Variants in GAD2 observed in about 807,000 individuals in gnomAD.
The protein encoded by GAD2 is 65 kDa glutamic acid decarboxylase.
Under a neutral mutation model 80.1 loss-of-function variants are expected in GAD2, and 22 were observed. The ratio of observed to expected loss-of-function variants is 0.27; its 90% CI spans 0.20 to 0.39. GAD2 has a LOEUF of 0.39. Ranked by LOEUF, GAD2 falls within the 10% of genes least tolerant of loss-of-function variation. The pLI, the probability that GAD2 is intolerant of heterozygous loss-of-function variation, is 1.00. For synonymous variants in GAD2, 274 were observed against 256.9 expected (o/e 1.07, Z -0.64); for missense variants, 624 against 738.4 (o/e 0.85, Z 1.80).
chr10:26,247,979 T>C (rs1844830801), intron 8 of GAD2, among the ~76,000 whole-genome samples: 1 of 148,792 alleles, frequency 6.7e-6, no homozygotes, highest in South Asian at 2.1e-4. Context: ...CGAACCAAAC[T>C]GAGGTTCACT....
intron 8 of GAD2, among the ~76,000 whole-genome samples, chr10:26,265,438 C>T (rs1483747689): frequency 1.3e-5 from 2 of 152,106 alleles, no homozygotes; most frequent in Non-Finnish European, 2.9e-5. Context: ...ATCTTGACCT[C>T]GTGATCCACC....
chr10:26,239,483 G>T lies in GAD2; in HGVS notation c.841-6438G>T, dbSNP rs754181347. On this transcript the variant is annotated intron_variant, in intron 7 of 15. Coordinates refer to ENST00000376261, the MANE Select transcript of GAD2 (RefSeq NM_001134366.2). ...CAACATTGGGATTTGTGGCCAGATA[G>T]TTAAGGCAATAAATAGTGACATTTC... Among the ~76,000 whole-genome samples the T allele has an allele frequency of 2.0e-5, 3 of 152,226 alleles. No individual in the cohort carries two copies. The South Asian group carries it at 6.2e-4, about 31-fold the overall frequency.
chr10:26,250,486 T>A (rs1844866007), intron 8 of GAD2, among the ~76,000 whole-genome samples: 2 of 151,924 alleles, frequency 1.3e-5, no homozygotes, highest in Non-Finnish European at 2.9e-5. Context: ...TTTGTGCTCA[T>A]AAGCTTTGTG....
chr10:26,247,667 G>A (rs946757149), intron 8 of GAD2, among the ~76,000 whole-genome samples: 15 of 152,054 alleles, frequency 9.9e-5, no homozygotes, highest in African/African-American at 3.4e-4. Flanking sequence ...AGGCCGAGGC[G>A]GGTGGATAAC....
rs749992467 is a variant in GAD2 at position 26,223,993 on chromosome 10, T to C, written c.611+16T>C. On this transcript the variant is annotated intron_variant, in intron 5 of 15. Transcript: ENST00000376261. The stretch of plus-strand genomic sequence containing the variant: ...ATACTAACATGTAAGTAGCCAAATG[T>C]GTTTTTATGTAATTTAGGATAATTA... The C allele has an allele frequency of 1.3e-6, 2 of 1,545,072 alleles. No homozygotes were observed. Among genetic ancestry groups the C allele is most frequent in the South Asian group, 2.2e-5 (2 of 89,390 alleles).
At chr10:26,259,699 T>C (rs1195678508) in intron 8 of GAD2, among the ~76,000 whole-genome samples, 3 of 152,266 alleles carry the variant, frequency 2.0e-5, no homozygotes, top group Middle Eastern at 6.8e-3. Context: ...GTACAAGTTT[T>C]TAATGCTCAT....
rs8190753 is a variant in GAD2 at position 26,281,754 on chromosome 10, C to T, written c.1236+667C>T. ...CCTAGGACCATTCTCAGTAGGTGAG[C>T]ACTGTTGGTCAAGGCCACTACATCT... On this transcript the variant is annotated intron_variant, in intron 12 of 15. Coordinates refer to ENST00000376261, the MANE Select transcript of GAD2 (RefSeq NM_001134366.2). Among the ~76,000 whole-genome samples, 22 of 152,240 alleles carry T rather than the reference C, an allele frequency of 1.4e-4. No homozygotes were observed. In the East Asian group the frequency reaches 4.3e-3, roughly 29 times the overall value.
At chr10:26,251,131 C>T (rs1844876421) in intron 8 of GAD2, among the ~76,000 whole-genome samples, 1 of 144,002 alleles carries the variant, frequency 6.9e-6, no homozygotes, top group African/African-American at 2.6e-5. Context: ...ATCTCCTGAT[C>T]TCGTGATCCA....
At chr10:26,276,636 C>A (rs1845211039) in intron 11 of GAD2, among the ~76,000 whole-genome samples, 1 of 152,190 alleles carries the variant, frequency 6.6e-6, no homozygotes, top group African/African-American at 2.4e-5. Flanking sequence ...GATCCGCTCG[C>A]CTCGGCCTCC....
chr10:26,284,262 T>C (rs1845304107), intron 12 of GAD2, among the ~76,000 whole-genome samples: 1 of 152,184 alleles, frequency 6.6e-6, no homozygotes, highest in Admixed American at 6.5e-5. Flanking sequence ...TGGTTTAGAG[T>C]TAAAAACAAC....
intron 6 of GAD2, among the ~76,000 whole-genome samples, chr10:26,227,719 G>C (rs747579694): frequency 6.6e-6 from 1 of 152,202 alleles, no homozygotes; most frequent in Non-Finnish European, 1.5e-5. Context: ...GCCCTCACCA[G>C]TTATGTTGCC....
intron 8 of GAD2, among the ~76,000 whole-genome samples, chr10:26,247,960 C>T (rs988161892): frequency 6.6e-6 from 1 of 151,390 alleles, no homozygotes; most frequent in South Asian, 2.1e-4. Context: ...CCATGTTTAC[C>T]TCTGTTAGCG....
chr10:26,242,966 T>C (rs1433519149), intron 7 of GAD2, among the ~76,000 whole-genome samples: 1 of 152,140 alleles, frequency 6.6e-6, no homozygotes, highest in Admixed American at 6.5e-5. Context: ...TCTTCCCTTC[T>C]GGCTGTAAGA....
intron 11 of GAD2, among the ~76,000 whole-genome samples, chr10:26,278,759 T>C (rs3781113): frequency 0.24 from 36,704 of 151,834 alleles, 5,087 homozygotes; most frequent in African/African-American, 0.37. Flanking sequence ...GTCGTAAATG[T>C]ATCTGACAAC....
At chr10:26,285,770 T>G (rs1845325118) in intron 12 of GAD2, among the ~76,000 whole-genome samples, 1 of 58,330 alleles carries the variant, frequency 1.7e-5, no homozygotes. Flanking sequence ...ATATGTGGGT[T>G]TTTTTTTTTT....
intron 13 of GAD2, among the ~76,000 whole-genome samples, chr10:26,288,334 G>A (rs1158349868): frequency 6.6e-6 from 1 of 152,166 alleles, no homozygotes; most frequent in Admixed American, 6.5e-5. Context: ...TAAATATTAG[G>A]CAGCTACAAG....
chr10:26,288,711 T>C (rs1443811150), intron 13 of GAD2, among the ~76,000 whole-genome samples: 1 of 152,228 alleles, frequency 6.6e-6, no homozygotes, highest in Non-Finnish European at 1.5e-5. Context: ...TCATTCTTTG[T>C]GGCTTTTTTC....
At position 26,301,137 on chromosome 10, in the gene GAD2, G is replaced by A; in HGVS notation, c.*176G>A. ...GCTCCTTTTAAAAGTCCTTTCTTAA[G>A]TTTAGAATACCTCTCTAAGAATTCG... is the stretch of plus-strand genomic sequence containing the variant. On this transcript the variant is annotated 3_prime_UTR_variant, in exon 16 of 16. Transcript: ENST00000376261. The A allele has an allele frequency of 1.7e-6, 1 of 586,214 alleles. No individual in the cohort carries two copies. Among genetic ancestry groups the A allele is most frequent in the Non-Finnish European group, 3.0e-6 (1 of 333,280 alleles). The allele number at this position is 586,214 out of a possible 1,614,324, so 36.3% of individuals were successfully genotyped here.
chr10:26,288,369 T>A (rs779008773), intron 13 of GAD2, among the ~76,000 whole-genome samples: 1 of 152,198 alleles, frequency 6.6e-6, no homozygotes, highest in African/African-American at 2.4e-5. Context: ...GAGCTTTACA[T>A]GAAGTGAAGC....
Sources: gnomAD v4.1 joint callset for allele counts (sites outside exome capture counted in the v4.1 genomes callset) on GRCh38, gnomAD v4.1.1 for gene constraint, MANE v1.5 for transcripts, NCBI Gene and HGNC (gene_info 2026-07-23, HGNC 2026-07-21) for gene names.